Variants in RSPO2 observed in about 807,000 individuals in gnomAD.
RSPO2 encodes the protein R-spondin-2.
In RSPO2, 14 loss-of-function variants were observed where a neutral mutation model predicts 30.9. The observed-to-expected ratio is 0.45, with a 90% CI of 0.30 to 0.71. RSPO2 has a LOEUF of 0.71. RSPO2 is among the 30% of genes least tolerant of loss of function. RSPO2 has a pLI of 0.08. For synonymous variants in RSPO2, 107 were observed against 96.4 expected, an observed-to-expected ratio of 1.11 and a Z score of -0.64; for missense variants, 264 against 301.9, an observed-to-expected ratio of 0.87 and a Z score of 0.93.
intron 2 of RSPO2, among the ~76,000 whole-genome samples, chr8:108,003,311 ATTTTTTTTTTTTTTTT>A (rs869040336): frequency 2.0e-3 from 57 of 28,996 alleles, no homozygotes; most frequent in African/African-American, 7.2e-3. Flanking sequence ...ATATATATAT[ATTTTTTTTTTTTTTTT>A]TTTTTTTTTT....
chr8:107,982,928 G>A (rs543755557), intron 3 of RSPO2, among the ~76,000 whole-genome samples: 41 of 152,056 alleles, frequency 2.7e-4, no homozygotes, highest in Middle Eastern at 3.2e-3. Flanking sequence ...TGTATTGTTT[G>A]GACATTTGAG....
rs373726195 is a variant in RSPO2 at position 108,010,916 on chromosome 8, G to A, written c.95-21672C>T. Among the ~76,000 whole-genome samples the A allele has an allele frequency of 4.6e-5, 7 of 151,754 alleles. No homozygotes were observed. In the East Asian group the frequency reaches 7.7e-4, roughly 17 times the overall value. Reference sequence around the variant, plus strand: ...GACCAAGATAGAAACTAATTCAAGTGTAGAATGTAAAGTGCCAGCCTGAGC... The same window carrying A: ...GACCAAGATAGAAACTAATTCAAGTATAGAATGTAAAGTGCCAGCCTGAGC... On this transcript the variant is annotated intron_variant, in intron 2 of 5. Coordinates refer to ENST00000276659, the MANE Select transcript of RSPO2 (RefSeq NM_178565.5).
intron 2 of RSPO2, among the ~76,000 whole-genome samples, chr8:108,013,065 T>A (rs1198053274): frequency 1.3e-5 from 2 of 152,176 alleles, no homozygotes; most frequent in South Asian, 2.1e-4. Context: ...AGGTTAGGAG[T>A]GAACCCAAAA....
At chr8:108,044,981 A>G (rs1408629423) in intron 2 of RSPO2, among the ~76,000 whole-genome samples, 7 of 152,332 alleles carry the variant, frequency 4.6e-5, no homozygotes, top group Admixed American at 4.6e-4. Flanking sequence ...GAATCCTCGA[A>G]GAACCTAGGA....
chr8:107,993,472 A>T (rs1814917771), intron 2 of RSPO2, among the ~76,000 whole-genome samples: 1 of 152,194 alleles, frequency 6.6e-6, no homozygotes, highest in Non-Finnish European at 1.5e-5. Context: ...AGATACAAAA[A>T]AGAGCATGCT....
chr8:107,960,392 A>C (rs1813587075), intron 4 of RSPO2, among the ~76,000 whole-genome samples: 1 of 152,110 alleles, frequency 6.6e-6, no homozygotes, highest in African/African-American at 2.4e-5. Context: ...GTTACTAATA[A>C]TCTATTAAGA....
intron 2 of RSPO2, among the ~76,000 whole-genome samples, chr8:108,071,216 C>A (rs749832687): frequency 3.9e-5 from 6 of 152,162 alleles, no homozygotes; most frequent in Non-Finnish European, 8.8e-5. Flanking sequence ...TTTGGGGAAT[C>A]AGTTTTCAAG....
In RSPO2 at chr8:107,992,502, C is replaced by T. The variant is rs1814880957; in HGVS notation, c.95-3258G>A. Among the ~76,000 whole-genome samples the T allele has an allele frequency of 2.0e-5, 3 of 152,066 alleles. No homozygotes were observed. The South Asian group carries it at 6.2e-4, about 31-fold the overall frequency. Reference sequence around the variant, plus strand: ...TGAAATTATCTGTACAGAAAACCCCCATGACACAAGTTTACCTATGTAACA... The same window carrying T: ...TGAAATTATCTGTACAGAAAACCCCTATGACACAAGTTTACCTATGTAACA... On this transcript the variant is annotated intron_variant, in intron 2 of 5. Coordinates refer to ENST00000276659, the MANE Select transcript of RSPO2 (RefSeq NM_178565.5).
At chr8:107,980,491 G>A (rs1814388145) in intron 3 of RSPO2, among the ~76,000 whole-genome samples, 2 of 152,150 alleles carry the variant, frequency 1.3e-5, no homozygotes, top group African/African-American at 2.4e-5. Flanking sequence ...CCTTATTCAT[G>A]TGCTGGTTTG....
chr8:108,058,983 A>C (rs199688386), intron 2 of RSPO2, among the ~76,000 whole-genome samples: 14 of 151,824 alleles, frequency 9.2e-5, no homozygotes, highest in Non-Finnish European at 1.8e-4. Flanking sequence ...GCAACAAAAG[A>C]CAAAATTGAC....
chr8:108,060,017 A>C (rs574281594), intron 2 of RSPO2, among the ~76,000 whole-genome samples: 2 of 150,948 alleles, frequency 1.3e-5, no homozygotes, highest in East Asian at 3.9e-4. Flanking sequence ...ATAAAATAAA[A>C]TTAAAAAAAA....
At chr8:108,060,298 C>T (rs575119479) in intron 2 of RSPO2, among the ~76,000 whole-genome samples, 25 of 151,836 alleles carry the variant, frequency 1.6e-4, no homozygotes, top group East Asian at 3.9e-4. Flanking sequence ...AAAGATTAGA[C>T]GAATGGAAAA....
intron 5 of RSPO2, among the ~76,000 whole-genome samples, chr8:107,941,654 C>G (rs1812900939): frequency 6.6e-6 from 1 of 152,136 alleles, no homozygotes; most frequent in African/African-American, 2.4e-5. Context: ...TAAATCTAAT[C>G]AGTGAGAGTC....
chr8:107,979,188 C>A (rs1369003663), intron 3 of RSPO2, among the ~76,000 whole-genome samples: 2 of 152,144 alleles, frequency 1.3e-5, no homozygotes, highest in Non-Finnish European at 2.9e-5. Flanking sequence ...TGGGTATATA[C>A]CCAAAGGATT....
intron 2 of RSPO2, among the ~76,000 whole-genome samples, chr8:108,063,409 C>A (rs1448872505): frequency 1.3e-5 from 2 of 151,868 alleles, no homozygotes; most frequent in African/African-American, 4.9e-5. Flanking sequence ...AGAGCCAAAT[C>A]ATGAGTGAAC....
In RSPO2 at chr8:108,045,584, T is replaced by C. The variant is rs140431288; in HGVS notation, c.94+36961A>G. Among the ~76,000 whole-genome samples the C allele has an allele frequency of 7.9e-3, 1,209 of 152,282 alleles. 10 individuals are homozygous for C. The highest frequency in any genetic ancestry group is 0.01 in the Non-Finnish European group (699 of 67,998). On this transcript the variant is annotated intron_variant, in intron 2 of 5. Transcript: ENST00000276659. ...ATACATTCAGGAGTATAAAGAAGTATGTTTCATTCACTATCCACAAATACT... is the reference window on the plus strand; with the variant it reads ...ATACATTCAGGAGTATAAAGAAGTACGTTTCATTCACTATCCACAAATACT...
rs532604939 is a variant in RSPO2, at chr8:107,973,468, T to C, written c.284-12651A>G. 2.0e-5 allele frequency among the ~76,000 whole-genome samples: 3 copies of C among 152,052 alleles called. No homozygotes were observed. In the East Asian group the frequency reaches 5.8e-4, roughly 29 times the overall value. ...GAATCTCAGAACTCCAAACTCACTATGCCAAAGGGAAAGTAAAGCTTGGGA... is the reference window on the plus strand; with the variant it reads ...GAATCTCAGAACTCCAAACTCACTACGCCAAAGGGAAAGTAAAGCTTGGGA... On this transcript the variant is annotated intron_variant, in intron 3 of 5. Transcript: ENST00000276659.
At chr8:107,922,882 C>G (rs1812225373) in intron 5 of RSPO2, among the ~76,000 whole-genome samples, 1 of 151,954 alleles carries the variant, frequency 6.6e-6, no homozygotes, top group African/African-American at 2.4e-5. Context: ...TAAGCATATG[C>G]AGAAGATTGG....
intron 2 of RSPO2, among the ~76,000 whole-genome samples, chr8:108,031,993 A>G (rs1811437378): frequency 6.6e-6 from 1 of 152,172 alleles, no homozygotes; most frequent in Non-Finnish European, 1.5e-5. Flanking sequence ...GTAGTCACCC[A>G]ATACATCATC....
Sources: allele counts gnomAD v4.1 joint callset (sites outside exome capture counted in the v4.1 genomes callset), GRCh38; gene constraint gnomAD v4.1.1; transcripts MANE v1.5; gene names NCBI Gene and HGNC (gene_info 2026-07-23, HGNC 2026-07-21).